Variants in ADAM2 observed in about 807,000 individuals in gnomAD.
The protein encoded by ADAM2 is ADAM metallopeptidase domain 2, also known as disintegrin and metalloproteinase domain-containing protein 2.
ADAM2 carries 101 observed loss-of-function variants against 99.3 expected under a neutral mutation model. The ratio of observed to expected loss-of-function variants is 1.02; its 90% CI spans 0.87 to 1.20. The LOEUF (loss-of-function observed/expected upper bound fraction) is 1.20. ADAM2 is among the 50% of genes most tolerant of loss of function. The pLI, the probability that ADAM2 is intolerant of heterozygous loss-of-function variation, is 0.00. For missense variants in ADAM2, 948 were observed against 878.7 expected (o/e 1.08, Z -1.00); for synonymous variants, 323 against 287.6 (o/e 1.12, Z -1.25).
intron 15 of ADAM2, among the ~76,000 whole-genome samples, chr8:39,760,882 C>CAAAAAAAAAAAAAAAA (rs58386097): frequency 8.3e-5 from 5 of 60,182 alleles, no homozygotes; most frequent in African/African-American, 3.4e-4. Context: ...GACTCCATCT[C>CAAAAAAAAAAAAAAAA]AAAAAAAAAA....
In ADAM2 at chr8:39,749,472, C is replaced by T. The variant is rs1485464902; in HGVS notation, c.1876-22G>A. 8.1e-6 allele frequency: 13 copies of T among 1,602,090 alleles called. No individual in the cohort carries two copies. The Admixed American group carries it at 1.7e-4, about 21-fold the overall frequency. On this transcript the variant is annotated intron_variant, in intron 17 of 20. Coordinates refer to ENST00000265708, the MANE Select transcript of ADAM2 (RefSeq NM_001464.5). ...ATACCTAAAAGAAGGAGAAATATCA[C>T]CTTATAAGATAAGCAACTAGATTTA...
rs181728240 is a variant in ADAM2, at chr8:39,775,401, C to T, written c.1028+1624G>A. 1.2e-4 allele frequency among the ~76,000 whole-genome samples: 18 copies of T among 152,188 alleles called. No individual in the cohort carries two copies. In the South Asian group the frequency reaches 1.2e-3, roughly 11 times the overall value. ...ATGTCCAGTTTTATAGCATCTAGAT[C>T]GTTCACCAAGTATCCAAGCTATTTG... is the stretch of plus-strand genomic sequence containing the variant. On this transcript the variant is annotated intron_variant, in intron 11 of 20. Coordinates refer to ENST00000265708, the MANE Select transcript of ADAM2 (RefSeq NM_001464.5).
Position 39,749,270 on chromosome 8 carries a change from A to T in ADAM2, c.2014+42T>A, listed in dbSNP as rs764431748. 8 of 1,514,346 alleles carry T rather than the reference A, an allele frequency of 5.3e-6. No homozygotes were observed. The African/African-American group carries it at 9.9e-5, about 19-fold the overall frequency. 93.8% of individuals were successfully genotyped at this position (1,514,346 alleles called of 1,614,324 possible). On this transcript the variant is annotated intron_variant, in intron 18 of 20. Transcript: ENST00000265708. ...TTTGTTATCCAATTTAATAAATTCA[A>T]ATTATGTTTTAATTATTTTCTGATT...
chr8:39,744,331 T>C (rs1242531925), intron 20 of ADAM2, among the ~76,000 whole-genome samples: 2 of 152,088 alleles, frequency 1.3e-5, no homozygotes, highest in East Asian at 3.8e-4. Context: ...AAAATATAAT[T>C]CCGAAAAATA....
intron 11 of ADAM2, among the ~76,000 whole-genome samples, chr8:39,773,622 A>T (rs1802871294): frequency 1.3e-5 from 2 of 151,822 alleles, no homozygotes; most frequent in South Asian, 4.1e-4. Flanking sequence ...AAGCTATAAA[A>T]GATTTTATGA....
At chr8:39,766,294 T>C (rs996880226) in intron 14 of ADAM2, among the ~76,000 whole-genome samples, 1 of 152,214 alleles carries the variant, frequency 6.6e-6, no homozygotes, top group Non-Finnish European at 1.5e-5. Context: ...CTCTACTTTC[T>C]TCCTTCTTGA....
intron 5 of ADAM2, 139 bp from the exon 6 acceptor site, chr8:39,821,309 C>T: frequency 1.5e-6 from 1 of 666,420 alleles, no homozygotes; most frequent in Admixed American, 3.1e-5. Flanking sequence ...GAGAAAGTTA[C>T]TGGGTATCCA....
intron 11 of ADAM2, among the ~76,000 whole-genome samples, chr8:39,769,781 A>T (rs1317485316): frequency 6.6e-6 from 1 of 152,142 alleles, no homozygotes; most frequent in Non-Finnish European, 1.5e-5. Context: ...ATAAAGTTTT[A>T]TTGGCTCTCC....
chr8:39,803,369 C>T (rs1804295886), intron 7 of ADAM2, among the ~76,000 whole-genome samples: 1 of 152,136 alleles, frequency 6.6e-6, no homozygotes, highest in South Asian at 2.1e-4. Flanking sequence ...ATAGCCAAAT[C>T]CCTAAATGGT....
intron 4 of ADAM2, 102 bp downstream of exon 4, chr8:39,824,717 A>G (rs2129588521): frequency 1.4e-6 from 1 of 701,462 alleles, no homozygotes; most frequent in Admixed American, 2.8e-5. Flanking sequence ...TATGCCAAGA[A>G]GCCATGACCC....
At chr8:39,796,075 T>C (rs1298774516) in intron 7 of ADAM2, among the ~76,000 whole-genome samples, 1 of 150,786 alleles carries the variant, frequency 6.6e-6, no homozygotes, top group Non-Finnish European at 1.5e-5. Context: ...CCTTTATTTC[T>C]TCTTCTAAAA....
chr8:39,769,549 C>T lies in ADAM2; in HGVS notation c.1055G>A (p.Ser352Asn), dbSNP rs77413090. The change falls in exon 12 of 21, where the codon AGT becomes AAT. Residue 352 changes from serine (S) to asparagine (N), a missense_variant. Ser to Asn is a conservative substitution (Grantham distance 46). Coordinates refer to ENST00000265708, the MANE Select transcript of ADAM2 (RefSeq NM_001464.5). Reference sequence around the variant, plus strand: ...TGCAAAGTCTTCGAAGCTGCAGTTACTAAAGATCTTCACACCACTGAAATG... The same window carrying T: ...TGCAAAGTCTTCGAAGCTGCAGTTATTAAAGATCTTCACACCACTGAAATG... The part of the protein sequence containing the change: ...AIHFSGVKIF[S>N]NCSFEDFAHF... 1.2e-5 allele frequency: 20 copies of T among 1,613,504 alleles called. No homozygotes were observed. The highest frequency in any genetic ancestry group is 1.7e-5 in the Non-Finnish European group (20 of 1,179,670).
chr8:39,799,973 T>G (rs1804133509), intron 7 of ADAM2, among the ~76,000 whole-genome samples: 1 of 152,230 alleles, frequency 6.6e-6, no homozygotes, highest in African/African-American at 2.4e-5. Context: ...TCCTGACTCC[T>G]TATCCAATTT....
intron 11 of ADAM2, among the ~76,000 whole-genome samples, 178 bp from the exon 12 acceptor site, chr8:39,769,753 G>A (rs1802706551): frequency 6.6e-6 from 1 of 152,082 alleles, no homozygotes; most frequent in Non-Finnish European, 1.5e-5. Flanking sequence ...TATTTTAGTG[G>A]AAGTAAATTA....
chr8:39,783,494 A>G (rs904483924), intron 10 of ADAM2, among the ~76,000 whole-genome samples: 1 of 152,042 alleles, frequency 6.6e-6, no homozygotes, highest in Non-Finnish European at 1.5e-5. Context: ...AATATTCCTC[A>G]TTATTTCTTC....
In ADAM2 at chr8:39,749,676, A is replaced by G. The variant is rs761715072; in HGVS notation, c.1866T>C (p.Asn622=). ...LGYDCTTDKC[N]DRGVCNNKKH... ...TAGTACTGCTACTTACACCTCTATCATTGCATTTGTCAGTAGTACAATCAT... is the reference window on the plus strand; with the variant it reads ...TAGTACTGCTACTTACACCTCTATCGTTGCATTTGTCAGTAGTACAATCAT... The change falls in exon 17 of 21, where the codon AAT becomes AAC. Residue 622 remains asparagine, a synonymous_variant. Transcript: ENST00000265708. 1 of 1,610,932 alleles carries G rather than the reference A, an allele frequency of 6.2e-7. No individual in the cohort carries two copies. Among genetic ancestry groups the G allele is most frequent in the Non-Finnish European group, 8.5e-7 (1 of 1,177,982 alleles).
chr8:39,832,771 T>C (rs1474753792), intron 3 of ADAM2, among the ~76,000 whole-genome samples: 1 of 152,130 alleles, frequency 6.6e-6, no homozygotes, highest in Non-Finnish European at 1.5e-5. Flanking sequence ...TTTTTTATTT[T>C]AGTATGTGAT....
At chr8:39,822,197 C>T (rs1372619176) in intron 4 of ADAM2, among the ~76,000 whole-genome samples, 1 of 152,046 alleles carries the variant, frequency 6.6e-6, no homozygotes, top group African/African-American at 2.4e-5. Context: ...TTATTTTTAT[C>T]ACCAATTGGG....
chr8:39,818,076 G>A (rs923646146), intron 6 of ADAM2: 26 of 151,962 alleles, frequency 1.7e-4, no homozygotes, highest in East Asian at 5.8e-4. Context: ...AACTCATTTC[G>A]TGAAGTTTGT....
Sources: gnomAD v4.1 joint callset for allele counts (sites outside exome capture counted in the v4.1 genomes callset) on GRCh38, gnomAD v4.1.1 for gene constraint, MANE v1.5 for transcripts, NCBI Gene and HGNC (gene_info 2026-07-23, HGNC 2026-07-21) for gene names.